GPC6: variants seen among roughly 807,000 people sequenced by gnomAD.
GPC6 encodes glypican 6.
A neutral mutation model predicts 55.2 loss-of-function variants in GPC6; 14 were observed. That is an observed-to-expected ratio of 0.25 (90% confidence interval 0.17 to 0.40). GPC6 has a LOEUF of 0.40. GPC6 is among the 10% of genes least tolerant of loss of function. The pLI, the probability that GPC6 is intolerant of heterozygous loss-of-function variation, is 1.00. For synonymous variants in GPC6, 278 were observed against 259.6 expected (o/e 1.07, Z -0.68); for missense variants, 641 against 708.5 (o/e 0.90, Z 1.08).
Position 94,156,452 on chromosome 13 carries a change from A to G in GPC6, c.877+128558A>G, listed in dbSNP as rs117723885. Among the ~76,000 whole-genome samples, 213 of 152,300 alleles carry G rather than the reference A, an allele frequency of 1.4e-3. 4 individuals are homozygous for G. The highest frequency in any genetic ancestry group is 0.013 in the Admixed American group (198 of 15,280). On this transcript the variant is annotated intron_variant, in intron 4 of 8. Transcript: ENST00000377047. ...TAGACATAGATATATAGATACTGCA[A>G]ATGCCAAACATGTGATCCAACAGGT...
chr13:94,189,914 A>G (rs967729607), intron 4 of GPC6, among the ~76,000 whole-genome samples: 1 of 151,948 alleles, frequency 6.6e-6, no homozygotes, highest in East Asian at 1.9e-4. Context: ...CCAGCTACTC[A>G]GGAGGCTGAG....
intron 2 of GPC6, among the ~76,000 whole-genome samples, chr13:93,772,369 A>T (rs180795094): frequency 6.6e-6 from 1 of 152,122 alleles, no homozygotes; most frequent in East Asian, 2.0e-4. Flanking sequence ...TGGGTTTGCA[A>T]CAGCTAAAGC....
At chr13:93,564,397 G>T (rs963430429) in intron 2 of GPC6, among the ~76,000 whole-genome samples, 3 of 152,024 alleles carry the variant, frequency 2.0e-5, no homozygotes, top group Non-Finnish European at 4.4e-5. Context: ...TTTGGGAGCA[G>T]CAATAAGAGA....
At chr13:94,124,732 A>G (rs1207090218) in intron 4 of GPC6, among the ~76,000 whole-genome samples, 1 of 152,142 alleles carries the variant, frequency 6.6e-6, no homozygotes, top group Non-Finnish European at 1.5e-5. Context: ...GTTTTTAAGA[A>G]TTCAATTTGT....
chr13:93,481,683 G>C (rs1313821678), intron 1 of GPC6, among the ~76,000 whole-genome samples: 1 of 151,544 alleles, frequency 6.6e-6, no homozygotes, highest in African/African-American at 2.4e-5. Flanking sequence ...AGAATCATTT[G>C]TTGAATACAC....
chr13:93,240,139 T>C (rs1372134139), intron 1 of GPC6, among the ~76,000 whole-genome samples: 1 of 152,166 alleles, frequency 6.6e-6, no homozygotes, highest in Admixed American at 6.5e-5. Flanking sequence ...AAGCCTCTGT[T>C]AGGTCCATTT....
At chr13:94,102,874 G>T (rs1348924866) in intron 4 of GPC6, among the ~76,000 whole-genome samples, 1 of 152,002 alleles carries the variant, frequency 6.6e-6, no homozygotes, top group Non-Finnish European at 1.5e-5. Context: ...TCTCCCACAA[G>T]ATTTTTAATT....
intron 2 of GPC6, among the ~76,000 whole-genome samples, chr13:93,619,674 G>A (rs1219299438): frequency 1.3e-5 from 2 of 152,074 alleles, no homozygotes; most frequent in African/African-American, 2.4e-5. Context: ...GGCTGGTCTA[G>A]AACACCTGTG....
intron 2 of GPC6, among the ~76,000 whole-genome samples, chr13:93,594,908 C>T (rs986510108): frequency 6.6e-6 from 1 of 151,602 alleles, no homozygotes; most frequent in Non-Finnish European, 1.5e-5. Flanking sequence ...TAATCATCTT[C>T]CAAAATACAC....
chr13:94,012,042 C>G (rs1286620515), intron 3 of GPC6, among the ~76,000 whole-genome samples: 1 of 152,072 alleles, frequency 6.6e-6, no homozygotes, highest in Non-Finnish European at 1.5e-5. Flanking sequence ...AGACCGCCAT[C>G]TTATTTTCTT....
At chr13:93,984,613 G>A (rs1880945474) in intron 3 of GPC6, among the ~76,000 whole-genome samples, 2 of 152,186 alleles carry the variant, frequency 1.3e-5, no homozygotes, top group South Asian at 2.1e-4. Flanking sequence ...CTATGTAAGT[G>A]AAGACTCTGA....
At chr13:93,416,513 C>A (rs1876702008) in intron 1 of GPC6, among the ~76,000 whole-genome samples, 1 of 152,000 alleles carries the variant, frequency 6.6e-6, no homozygotes, top group Non-Finnish European at 1.5e-5. Context: ...GAGTATCCAC[C>A]CCCTCAAGCC....
intron 4 of GPC6, among the ~76,000 whole-genome samples, chr13:94,125,756 A>G (rs1364114349): frequency 1.3e-5 from 2 of 151,848 alleles, no homozygotes; most frequent in Admixed American, 6.6e-5. Flanking sequence ...AGTTAAATGA[A>G]GTCAGCAAAG....
rs555664508 is a variant in GPC6 at position 94,272,463 on chromosome 13, CTTTTTTTTTTTTTTTT to C, written c.878-13878_878-13863del. Among the ~76,000 whole-genome samples, 10 of 85,742 alleles carry C rather than the reference CTTTTTTTTTTTTTTTT, an allele frequency of 1.2e-4. 1 individual carries two copies. The South Asian group carries it at 4.2e-3, about 36-fold the overall frequency. 56.3% of individuals were successfully genotyped at this position (85,742 alleles called of 152,430 possible). A position where few individuals can be genotyped will look rare whatever the true frequency, so the allele number is the denominator to read the frequency against. On this transcript the variant is annotated intron_variant, in intron 4 of 8. Coordinates refer to ENST00000377047, the MANE Select transcript of GPC6 (RefSeq NM_005708.5). ...TTTTTCTTTTCTTTTCTTTTCTTTT[CTTTTTTTTTTTTTTTT>C]TTTTTTTGAAACAGAGTCTCACTCT...
intron 1 of GPC6, among the ~76,000 whole-genome samples, chr13:93,435,997 A>G (rs1303911413): frequency 6.6e-6 from 1 of 152,154 alleles, no homozygotes; most frequent in South Asian, 2.1e-4. Flanking sequence ...CTCGCTGATC[A>G]TAGTCCTGGA....
At chr13:93,931,425 C>T (rs1037792463) in intron 3 of GPC6, among the ~76,000 whole-genome samples, 9 of 120,316 alleles carry the variant, frequency 7.5e-5, no homozygotes, top group African/African-American at 3.0e-4. Context: ...AGGGGAAATA[C>T]CATACACAGG....
intron 2 of GPC6, among the ~76,000 whole-genome samples, chr13:93,790,560 A>G (rs1355390676): frequency 2.0e-5 from 3 of 152,122 alleles, no homozygotes; most frequent in East Asian, 1.9e-4. Context: ...AAACACATAC[A>G]CACTCCTTTA....
chr13:93,549,296 C>T (rs1874996026), intron 2 of GPC6, among the ~76,000 whole-genome samples: 1 of 152,114 alleles, frequency 6.6e-6, no homozygotes, highest in African/African-American at 2.4e-5. Context: ...TTTGTGTACT[C>T]ACTCATTTTT....
intron 1 of GPC6, among the ~76,000 whole-genome samples, chr13:93,286,484 T>C (rs140504705): frequency 6.6e-6 from 1 of 152,328 alleles, no homozygotes; most frequent in African/African-American, 2.4e-5. Context: ...GGCCTGGTAT[T>C]CAGATGCTGT....
Sources: allele counts gnomAD v4.1 joint callset (sites outside exome capture counted in the v4.1 genomes callset), GRCh38; gene constraint gnomAD v4.1.1; transcripts MANE v1.5; gene names NCBI Gene and HGNC (gene_info 2026-07-23, HGNC 2026-07-21).